C9orf40: variants seen among roughly 807,000 people sequenced by gnomAD.
C9orf40 encodes chromosome 9 open reading frame 40.
In C9orf40, 2 loss-of-function variants were observed where a neutral mutation model predicts 7.9. The observed-to-expected ratio is 0.25, with a 90% confidence interval of 0.10 to 0.80. C9orf40 has a LOEUF of 0.80. Ranked by LOEUF, C9orf40 falls within the 30% of genes least tolerant of loss-of-function variation. The pLI is 0.68. For synonymous variants in C9orf40, 113 were observed against 117.6 expected, an observed-to-expected ratio of 0.96 and a Z score of 0.25; for missense variants, 256 against 268.5, an observed-to-expected ratio of 0.95 and a Z score of 0.33.
intron 1 of C9orf40, among the ~76,000 whole-genome samples, chr9:74,950,901 G>A (rs1019405926): frequency 6.6e-6 from 1 of 151,980 alleles, no homozygotes; most frequent in Non-Finnish European, 1.5e-5. Context: ...AATATATAAT[G>A]CTCCAAAAAC....
At position 74,952,497 on chromosome 9, in the gene C9orf40, C is replaced by G; in HGVS notation, c.115G>C (p.Gly39Arg). ...AGGAGCTGCCCAGCATGCGCGACCCCGGGCGGCCGGATCCAGAGAGGCGGT... is the reference window on the plus strand; with the variant it reads ...AGGAGCTGCCCAGCATGCGCGACCCGGGGCGGCCGGATCCAGAGAGGCGGT... ...PPPPLWIRPP[G>R]VAHAGQLLGV... The change falls in exon 1 of 2, where the codon GGG (glycine) becomes CGG (arginine). Residue 39 changes from glycine (G) to arginine (R), a missense_variant. Physicochemically the swap from Gly to Arg is moderately radical, Grantham distance 125. Transcript: ENST00000376854. The surrounding 1 kb of genome is among the most constrained non-coding windows in gnomAD (Gnocchi z 5.4). 6.3e-7 allele frequency: 1 copy of G among 1,594,762 alleles called. No individual in the cohort carries two copies. The highest frequency in any genetic ancestry group is 8.5e-7 in the Non-Finnish European group (1 of 1,177,834).
chr9:74,949,870 T>A (rs1362971056), intron 1 of C9orf40, among the ~76,000 whole-genome samples: 2 of 152,184 alleles, frequency 1.3e-5, no homozygotes, highest in East Asian at 3.9e-4. Flanking sequence ...TACTGGGCTT[T>A]CCTCAAAAGA....
intron 1 of C9orf40, among the ~76,000 whole-genome samples, chr9:74,951,479 CAG>C (rs918602315): frequency 6.6e-6 from 1 of 152,098 alleles, no homozygotes. Flanking sequence ...TTAATAGAGA[CAG>C]AGTTTCACCC....
intron 1 of C9orf40, among the ~76,000 whole-genome samples, chr9:74,950,253 G>GA (rs1242901124): frequency 2.0e-5 from 3 of 152,228 alleles, no homozygotes; most frequent in Non-Finnish European, 4.4e-5. Flanking sequence ...TGCTGTGGGG[G>GA]AAAAGAGTTG....
chr9:74,951,235 C>T (rs1351646439), intron 1 of C9orf40, among the ~76,000 whole-genome samples: 1 of 152,036 alleles, frequency 6.6e-6, no homozygotes, highest in Non-Finnish European at 1.5e-5. Context: ...GAATAAAAAC[C>T]CGCCAATGAT....
chr9:74,952,038 G>A lies in C9orf40; in HGVS notation c.426+148C>T. The A allele has an allele frequency of 2.7e-6, 1 of 369,414 alleles. No individual in the cohort carries two copies. The highest frequency in any genetic ancestry group is 4.8e-6 in the Non-Finnish European group (1 of 207,458). The allele number at this position is 369,414 out of a possible 1,614,324, so 22.9% of individuals were successfully genotyped here. ...TCTCGGGGTGTGCTTCTGGCGGTCGGCGTCCTCTCCCGGAGCGGTGACCCC... is the reference window on the plus strand; with the variant it reads ...TCTCGGGGTGTGCTTCTGGCGGTCGACGTCCTCTCCCGGAGCGGTGACCCC... On this transcript the variant is annotated intron_variant, in intron 1 of 1. Transcript: ENST00000376854. This position sits in a 1 kb window ranked among gnomAD's most constrained non-coding sequence, Gnocchi z 5.4.
chr9:74,947,601 AT>A lies in C9orf40; in HGVS notation c.*446del, dbSNP rs907885749. 3.3e-5 allele frequency: 5 copies of A among 152,954 alleles called. No individual in the cohort carries two copies. Among genetic ancestry groups the A allele is most frequent in the African/African-American group, 1.2e-4 (5 of 41,478 alleles). 9.5% of individuals were successfully genotyped at this position (152,954 alleles called of 1,614,324 possible). A position where few individuals can be genotyped will look rare whatever the true frequency, so the allele number is the denominator to read the frequency against. On this transcript the variant is annotated 3_prime_UTR_variant, in exon 2 of 2. Transcript: ENST00000376854. ...GTTTGCATAGATGTTCAAGTCAGCTATTTGTTCAACTAACAGAGTCAATAGA... is the reference window on the plus strand; with the variant it reads ...GTTTGCATAGATGTTCAAGTCAGCTATTGTTCAACTAACAGAGTCAATAGA...
At chr9:74,949,791 G>A (rs190381367) in intron 1 of C9orf40, among the ~76,000 whole-genome samples, 1 of 152,294 alleles carries the variant, frequency 6.6e-6, no homozygotes, top group Non-Finnish European at 1.5e-5. Context: ...AACAGAAGCT[G>A]GAGAGAGCAT....
rs1832309436 is a variant in C9orf40 at position 74,952,216 on chromosome 9, C to T, written c.396G>A (p.Pro132=). The T allele has an allele frequency of 3.3e-6, 4 of 1,195,662 alleles. No individual in the cohort carries two copies. Among genetic ancestry groups the T allele is most frequent in the Non-Finnish European group, 4.2e-6 (4 of 951,340 alleles). The allele number at this position is 1,195,662 out of a possible 1,614,324, so 74.1% of individuals were successfully genotyped here. A position where few individuals can be genotyped will look rare whatever the true frequency, so the allele number is the denominator to read the frequency against. ...GCGATGCGACCCCCCAGTCTCCCCG[C>T]GGGGGTCCTGCGCGCCCCGCCCCGT... ...GDDGAGRAGP[P]RGDWGVASRQ... is the part of the protein sequence containing the mutation. The change falls in exon 1 of 2, where the codon CCG becomes CCA. Residue 132 remains proline, a synonymous_variant. Coordinates refer to ENST00000376854, the MANE Select transcript of C9orf40 (RefSeq NM_017998.3). This position sits in a 1 kb window ranked among gnomAD's most constrained non-coding sequence, Gnocchi z 5.4.
At chr9:74,948,259 GTTT>G (rs67215531) in intron 1 of C9orf40, 53 bp from the exon 2 acceptor site, 355,722 of 1,351,296 alleles carry the variant, frequency 0.26, 48,511 homozygotes, top group East Asian at 0.39. Context: ...AAAAAATTAA[GTTT>G]TTTTCAGAAA....
intron 1 of C9orf40, 144 bp from the exon 2 acceptor site, chr9:74,948,350 A>C: frequency 1.9e-6 from 1 of 518,306 alleles, no homozygotes; most frequent in Non-Finnish European, 3.3e-6. Context: ...ATACATTTTA[A>C]ATTTTGTCTC....
In C9orf40 at chr9:74,946,730, C is replaced by T. The variant is rs113629649; in HGVS notation, c.*1318G>A. On this transcript the variant is annotated 3_prime_UTR_variant, in exon 2 of 2. Transcript: ENST00000376854. ...CTGACCACAATGCAATACAGTTTGT[C>T]TTCTGTTCTAAAGCATTCTTATTAA... 2.0e-5 allele frequency: 3 copies of T among 152,168 alleles called. No individual in the cohort carries two copies. The highest frequency in any genetic ancestry group is 7.2e-5 in the African/African-American group (3 of 41,428). 9.4% of individuals were successfully genotyped at this position (152,168 alleles called of 1,614,324 possible). A position where few individuals can be genotyped will look rare whatever the true frequency, so the allele number is the denominator to read the frequency against.
At chr9:74,950,283 A>G (rs1832282606) in intron 1 of C9orf40, among the ~76,000 whole-genome samples, 1 of 152,242 alleles carries the variant, frequency 6.6e-6, no homozygotes, top group South Asian at 2.1e-4. Flanking sequence ...CTAAGCAAGC[A>G]TCACCGTTTC....
In C9orf40 at chr9:74,952,462, TG is replaced by T; in HGVS notation, c.149del (p.Pro50GlnfsTer122). The T allele has an allele frequency of 6.2e-7, 1 of 1,600,364 alleles. No individual in the cohort carries two copies. ...VAHAGQLLGV[P>X]EQHRKRKIDA... ...CGATTTTGCGCTTTCGGTGCTGCTC[TG>T]GGACGCCGAGGAGCTGCCCAGCATG... On this transcript the variant is annotated frameshift_variant, in exon 1 of 2. Coordinates refer to ENST00000376854, the MANE Select transcript of C9orf40 (RefSeq NM_017998.3). LOFTEE classifies it high-confidence loss of function. The surrounding 1 kb of genome is among the most constrained non-coding windows in gnomAD (Gnocchi z 5.4).
At chr9:74,949,560 A>G (rs571584033) in intron 1 of C9orf40, among the ~76,000 whole-genome samples, 1 of 152,306 alleles carries the variant, frequency 6.6e-6, no homozygotes, top group South Asian at 2.1e-4. Context: ...TCCTGCCTAG[A>G]TTGTATTCTC....
In C9orf40 at chr9:74,946,626, A is replaced by G. The variant is rs1250495274; in HGVS notation, c.*1422T>C. 1 of 152,174 alleles carries G rather than the reference A, an allele frequency of 6.6e-6. No homozygotes were observed. The highest frequency in any genetic ancestry group is 2.4e-5 in the African/African-American group (1 of 41,456). The allele number at this position is 152,174 out of a possible 1,614,324, so 9.4% of individuals were successfully genotyped here. A position where few individuals can be genotyped will look rare whatever the true frequency, so the allele number is the denominator to read the frequency against. ...TTATTTCTCATTTTACAGGTGAGAA[A>G]TTTGAGGCTTGGAGATGAAAAATAA... On this transcript the variant is annotated 3_prime_UTR_variant, in exon 2 of 2. Coordinates refer to ENST00000376854, the MANE Select transcript of C9orf40 (RefSeq NM_017998.3).
intron 1 of C9orf40, among the ~76,000 whole-genome samples, chr9:74,949,240 A>G (rs749555472): frequency 5.9e-5 from 9 of 152,224 alleles, no homozygotes; most frequent in Non-Finnish European, 1.2e-4. Context: ...TCTGTTAAGA[A>G]TATCTAACAG....
In C9orf40 at chr9:74,952,289, G is replaced by C; in HGVS notation, c.323C>G (p.Pro108Arg). The stretch of plus-strand genomic sequence containing the variant: ...CCGGGCGCCCGGGAGCTCCTCCCCC[G>C]GCCCCGGCAGTACGGGCGGCGGCGG... ...PLPPPPVLPGPGEELPGARLP... is the reference protein window; with the variant it reads ...PLPPPPVLPGRGEELPGARLP... The change falls in exon 1 of 2, where the codon CCG becomes CGG. Residue 108 changes from proline to arginine, a missense_variant. Transcript: ENST00000376854. This position sits in a 1 kb window ranked among gnomAD's most constrained non-coding sequence, Gnocchi z 5.4. 1 of 1,305,140 alleles carries C rather than the reference G, an allele frequency of 7.7e-7. No individual in the cohort carries two copies. The highest frequency in any genetic ancestry group is 3.2e-5 in the East Asian group (1 of 31,606). 80.8% of individuals were successfully genotyped at this position (1,305,140 alleles called of 1,614,324 possible).
At position 74,952,715 on chromosome 9, in the gene C9orf40, G is replaced by A. The variant is rs1367843502; in HGVS notation, c.-104C>T. On this transcript the variant is annotated 5_prime_UTR_variant, in exon 1 of 2. Coordinates refer to ENST00000376854, the MANE Select transcript of C9orf40 (RefSeq NM_017998.3). The surrounding 1 kb of genome is among the most constrained non-coding windows in gnomAD (Gnocchi z 5.4). ...TGAGCGCGTGAGAGAGGGACAGGCCGAAGTCGGGCGAGGAGGCGACAGGAC... is the reference window on the plus strand; with the variant it reads ...TGAGCGCGTGAGAGAGGGACAGGCCAAAGTCGGGCGAGGAGGCGACAGGAC... The A allele has an allele frequency of 8.9e-7, 1 of 1,119,914 alleles. No individual in the cohort carries two copies. The allele number at this position is 1,119,914 out of a possible 1,614,324, so 69.4% of individuals were successfully genotyped here.
Sources: gnomAD v4.1 joint callset for allele counts (sites outside exome capture counted in the v4.1 genomes callset) on GRCh38, gnomAD v4.1.1 for gene constraint, Gnocchi (gnomAD v3.1) non-coding constraint, MANE v1.5 for transcripts, NCBI Gene and HGNC (gene_info 2026-07-23, HGNC 2026-07-21) for gene names.